HSPG2: variants seen among roughly 807,000 people sequenced by gnomAD.
The protein encoded by HSPG2 is heparan sulfate proteoglycan 2.
Under a neutral mutation model 526.6 loss-of-function variants are expected in HSPG2, and 278 were observed. The ratio of observed to expected loss-of-function variants is 0.53; its 90% confidence interval spans 0.48 to 0.58. The LOEUF is 0.58. HSPG2 is among the 20% of genes least tolerant of loss of function. The pLI, the probability that HSPG2 is intolerant of heterozygous loss-of-function variation, is 0.00. For missense variants in HSPG2, 5,354 were observed against 6,099.5 expected (o/e 0.88, Z 4.07); for synonymous variants, 2,465 against 2,555.4 (o/e 0.96, Z 1.07).
At position 21,854,602 on chromosome 1, in the gene HSPG2, C is replaced by A; in HGVS notation, c.6288+9G>T. ...TGGGTCCCCTGCCATAGGCTCAGGG[C>A]CCACATACCTGGGTGTGGGGAGGCA... On this transcript the variant is annotated intron_variant, in intron 49 of 96. Coordinates refer to ENST00000374695, the MANE Select transcript of HSPG2 (RefSeq NM_005529.7). 6.4e-7 allele frequency: 1 copy of A among 1,555,462 alleles called. No homozygotes were observed. Among genetic ancestry groups the A allele is most frequent in the Non-Finnish European group, 8.7e-7 (1 of 1,147,664 alleles).
chr1:21,854,419 T>C, intron 49 of HSPG2, 76 bp from the exon 50 acceptor site: 1 of 1,521,236 alleles, frequency 6.6e-7, no homozygotes, highest in South Asian at 1.2e-5. Context: ...CCTCAGTGAT[T>C]CATTCAAACT....
chr1:21,859,697 G>C lies in HSPG2; in HGVS notation c.5183-21C>G. 1.3e-6 allele frequency: 2 copies of C among 1,594,434 alleles called. No homozygotes were observed. Among genetic ancestry groups the C allele is most frequent in the East Asian group, 4.5e-5 (2 of 44,256 alleles). Reference sequence around the variant, plus strand: ...GGAGCCTGGTGGGGAGGAGACAAGAGCTTGTTGGTGCAGATACACTCTTTC... The same window carrying C: ...GGAGCCTGGTGGGGAGGAGACAAGACCTTGTTGGTGCAGATACACTCTTTC... On this transcript the variant is annotated intron_variant, in intron 41 of 96. Transcript: ENST00000374695. This position sits in a 1 kb window ranked among gnomAD's most constrained non-coding sequence, Gnocchi z 5.3.
chr1:21,847,828 G>A lies in HSPG2; in HGVS notation c.7886C>T (p.Ser2629Phe). 6.2e-7 allele frequency: 1 copy of A among 1,613,970 alleles called. No individual in the cohort carries two copies. Among genetic ancestry groups the A allele is most frequent in the Non-Finnish European group, 8.5e-7 (1 of 1,180,022 alleles). ...GSGSSHVPSV[S>F]PPIRIESSSP... ...AGACGACTCGATCCTGATCGGTGGG[G>A]AGACGCTGGGCACTGGGGACAGACG... Residue 2629 changes from serine to phenylalanine, a missense_variant, in exon 61 of 97, where the codon TCC (serine) becomes TTC (phenylalanine). Transcript: ENST00000374695. The surrounding 1 kb of genome is among the most constrained non-coding windows in gnomAD (Gnocchi z 4.1).
At position 21,872,282 on chromosome 1, in the gene HSPG2, G is replaced by A. The variant is rs1307548350; in HGVS notation, c.4125C>T (p.Pro1375=). 1.5e-5 allele frequency: 23 copies of A among 1,562,164 alleles called. No individual in the cohort carries two copies. Among genetic ancestry groups the A allele is most frequent in the East Asian group, 2.4e-5 (1 of 41,708 alleles). The change falls in exon 33 of 97, where the codon CCC becomes CCT. Residue 1375 remains proline (P), a synonymous_variant. Coordinates refer to ENST00000374695, the MANE Select transcript of HSPG2 (RefSeq NM_005529.7). This position sits in a 1 kb window ranked among gnomAD's most constrained non-coding sequence, Gnocchi z 5.5. ...AAGAGAGCTGGGCACCCTCGGGCACGGGTTCCACAGTGAATTCTCCTGTCA... is the reference window on the plus strand; with the variant it reads ...AAGAGAGCTGGGCACCCTCGGGCACAGGTTCCACAGTGAATTCTCCTGTCA... The part of the protein sequence containing the change: ...SRLTGEFTVE[P]VPEGAQLSFG...
chr1:21,879,393 T>C (rs1213941826), intron 17 of HSPG2, among the ~76,000 whole-genome samples: 1 of 152,210 alleles, frequency 6.6e-6, no homozygotes, highest in Non-Finnish European at 1.5e-5. Flanking sequence ...AGTTCTGCTC[T>C]CCAGAGTCTG....
intron 1 of HSPG2, among the ~76,000 whole-genome samples, chr1:21,935,349 T>C (rs903304187): frequency 6.6e-6 from 1 of 152,006 alleles, no homozygotes; most frequent in Non-Finnish European, 1.5e-5. Flanking sequence ...GAGCTGCCTG[T>C]TTATTTGTCT....
intron 1 of HSPG2, among the ~76,000 whole-genome samples, chr1:21,929,614 T>C (rs1569694553): frequency 6.6e-6 from 1 of 151,208 alleles, no homozygotes; most frequent in African/African-American, 2.4e-5. Context: ...GAATTTTTAT[T>C]GTCCAAACAA....
intron 1 of HSPG2, chr1:21,908,514 C>T (rs888214181): frequency 5.2e-6 from 5 of 961,690 alleles, no homozygotes; most frequent in Non-Finnish European, 6.8e-6. Flanking sequence ...GCAAAGCACA[C>T]TTTGTGAGAA....
intron 76 of HSPG2, 76 bp downstream of exon 76, chr1:21,835,464 G>GTCTC: frequency 2.1e-6 from 2 of 936,280 alleles, no homozygotes; most frequent in Non-Finnish European, 3.5e-6. Context: ...AGGGAACAGG[G>GTCTC]TCTGGGCCTT....
Position 21,850,430 on chromosome 1 carries a change from C to T in HSPG2, c.7227G>A (p.Val2409=). 1.9e-6 allele frequency: 3 copies of T among 1,611,834 alleles called. No homozygotes were observed. Among genetic ancestry groups the T allele is most frequent in the Admixed American group, 1.7e-5 (1 of 59,866 alleles). ...PADSGEYVCR[V]LGSSVPLEAS... ...CCTCTAGAGGCACGGAGCTGCCCAA[C>T]ACTCGGCACACGTACTCGCCCGAGT... The change falls in exon 56 of 97, where the codon GTG becomes GTA. Residue 2409 remains valine (V), a synonymous_variant. Transcript: ENST00000374695.
Position 21,842,791 on chromosome 1 carries a change from G to GC in HSPG2, c.8888dup (p.Ser2964GlnfsTer37). The GC allele has an allele frequency of 6.2e-7, 1 of 1,613,464 alleles. No individual in the cohort carries two copies. The highest frequency in any genetic ancestry group is 2.2e-5 in the East Asian group (1 of 44,884). ...GTACCTGGTGCCGGGCGGGGAGGCT[G>GC]CCCCCGCGCTTGTACCACGTGACCT... On this transcript the variant is annotated frameshift_variant, in exon 67 of 97. Coordinates refer to ENST00000374695, the MANE Select transcript of HSPG2 (RefSeq NM_005529.7). LOFTEE classifies it high-confidence loss of function.
Position 21,937,172 on chromosome 1 carries a change from GCAGCAGCAGCGC to G in HSPG2, c.34_45del (p.Ala12_Leu15del), listed in dbSNP as rs1644512529. ...ACACTCACCGCCAGCAGCCGCCCGT[GCAGCAGCAGCGC>G]CAGCAGCAGCGCGCCCGCCGCCCGC... On this transcript the variant is annotated inframe_deletion, in exon 1 of 97. Coordinates refer to ENST00000374695, the MANE Select transcript of HSPG2 (RefSeq NM_005529.7). 8.4e-6 allele frequency: 9 copies of G among 1,074,442 alleles called. No individual in the cohort carries two copies. The highest frequency in any genetic ancestry group is 5.2e-5 in the South Asian group (2 of 38,702). 66.6% of individuals were successfully genotyped at this position (1,074,442 alleles called of 1,614,324 possible).
In HSPG2 at chr1:21,852,961, G is replaced by A. The variant is rs1639032398; in HGVS notation, c.6549C>T (p.Val2183=). 6.2e-7 allele frequency: 1 copy of A among 1,613,428 alleles called. No individual in the cohort carries two copies. The highest frequency in any genetic ancestry group is 1.1e-5 in the South Asian group (1 of 91,070). The change falls in exon 51 of 97, where the codon GTC becomes GTT. Residue 2183 remains valine (V), a synonymous_variant. Coordinates refer to ENST00000374695, the MANE Select transcript of HSPG2 (RefSeq NM_005529.7). ...GGCTGCCCCCACGCTTGTGCCACGT[G>A]ACCTGGGCGTGGGCCTGCCCGGGCA... ...CVVPGQAHAQ[V]TWHKRGGSLP... is the part of the protein sequence containing the mutation.
chr1:21,885,167 C>A lies in HSPG2; in HGVS notation c.1211-10G>T. On this transcript the variant is annotated splice_polypyrimidine_tract_variant and intron_variant, in intron 10 of 96. Transcript: ENST00000374695. Reference sequence around the variant, plus strand: ...ACCACCTGGGGGGGCACTGAGGAGACCAGGGCAGGAGTGAGGGGTCGGGGG... The same window carrying A: ...ACCACCTGGGGGGGCACTGAGGAGAACAGGGCAGGAGTGAGGGGTCGGGGG... 6.2e-7 allele frequency: 1 copy of A among 1,605,880 alleles called. No individual in the cohort carries two copies. Among genetic ancestry groups the A allele is most frequent in the Non-Finnish European group, 8.5e-7 (1 of 1,175,728 alleles).
Position 21,851,685 on chromosome 1 carries a change from G to C in HSPG2, c.7019C>G (p.Thr2340Ser). 1 of 1,614,044 alleles carries C rather than the reference G, an allele frequency of 6.2e-7. No individual in the cohort carries two copies. The highest frequency in any genetic ancestry group is 8.5e-7 in the Non-Finnish European group (1 of 1,180,028). ...GANLAYPAGS[T>S]QPIRIEPSSS... ...GGAGGGCTCGATGCGGATGGGCTGGGTGCTGCCGGCAGCTGAGGGATAAGA... is the reference window on the plus strand; with the variant it reads ...GGAGGGCTCGATGCGGATGGGCTGGCTGCTGCCGGCAGCTGAGGGATAAGA... The change falls in exon 55 of 97, where the codon ACC becomes AGC. Residue 2340 changes from threonine to serine, a missense_variant. Coordinates refer to ENST00000374695, the MANE Select transcript of HSPG2 (RefSeq NM_005529.7).
Position 21,839,140 on chromosome 1 carries a change from G to A in HSPG2, c.9890-55C>T. On this transcript the variant is annotated intron_variant, in intron 73 of 96. Transcript: ENST00000374695. This position sits in a 1 kb window ranked among gnomAD's most constrained non-coding sequence, Gnocchi z 4.5. ...GGGGAGGGCAAAGGTCAGAATGGCA[G>A]CAGGTCGTTGGATCCAGTGTCCAGG... The A allele has an allele frequency of 6.5e-7, 1 of 1,545,834 alleles. No homozygotes were observed. The highest frequency in any genetic ancestry group is 8.7e-7 in the Non-Finnish European group (1 of 1,143,140).
chr1:21,850,612 T>C, intron 55 of HSPG2, 114 bp from the exon 56 acceptor site: 5 of 1,273,182 alleles, frequency 3.9e-6, no homozygotes, highest in Non-Finnish European at 4.2e-6. Context: ...TGGATCAGTT[T>C]CCCTGTCCTT....
intron 1 of HSPG2, among the ~76,000 whole-genome samples, chr1:21,914,171 T>C (rs1042461408): frequency 6.6e-6 from 1 of 152,184 alleles, no homozygotes; most frequent in Non-Finnish European, 1.5e-5. Context: ...GACCGTCTAC[T>C]TGGAGACCGA....
At position 21,822,255 on chromosome 1, in the gene HSPG2, G is replaced by A. The variant is rs2097953604; in HGVS notation, c.*1061C>T. The A allele has an allele frequency of 6.3e-7, 1 of 1,595,554 alleles. No individual in the cohort carries two copies. The highest frequency in any genetic ancestry group is 1.3e-5 in the African/African-American group (1 of 74,680). Reference sequence around the variant, plus strand: ...ACTCAGGAGGCCCCTGGCGGGGATAGCACCGTTTATTAAGAAAAATCAAGA... The same window carrying A: ...ACTCAGGAGGCCCCTGGCGGGGATAACACCGTTTATTAAGAAAAATCAAGA... On this transcript the variant is annotated 3_prime_UTR_variant, in exon 97 of 97. Coordinates refer to ENST00000374695, the MANE Select transcript of HSPG2 (RefSeq NM_005529.7).
Sources: gnomAD v4.1 joint callset for allele counts (sites outside exome capture counted in the v4.1 genomes callset) on GRCh38, gnomAD v4.1.1 for gene constraint, Gnocchi (gnomAD v3.1) non-coding constraint, MANE v1.5 for transcripts, NCBI Gene and HGNC (gene_info 2026-07-23, HGNC 2026-07-21) for gene names.